UNC80: variants seen among roughly 807,000 people sequenced by gnomAD.
UNC80 encodes the protein unc-80 subunit of NALCN channel complex.
UNC80 carries 164 observed loss-of-function variants against 384.6 expected under a neutral mutation model. The observed-to-expected ratio is 0.43, with a 90% CI of 0.38 to 0.49. The LOEUF is 0.49. Ranked by LOEUF, UNC80 falls within the 20% of genes least tolerant of loss-of-function variation. The probability of loss-of-function intolerance (pLI) is 0.00; values close to 1 mark genes in which losing one functional copy is unlikely to be tolerated. For synonymous variants in UNC80, 1,486 were observed against 1,527.8 expected (o/e 0.97, Z 0.64); for missense variants, 3,330 against 4,143.0 (o/e 0.80, Z 5.39).
intron 28 of UNC80, among the ~76,000 whole-genome samples, chr2:209,900,194 G>A (rs1237423767): frequency 6.6e-6 from 1 of 151,994 alleles, no homozygotes; most frequent in Non-Finnish European, 1.5e-5. Flanking sequence ...TCATTTTATT[G>A]TACTTTACTC....
Position 209,984,926 on chromosome 2 carries a change from G to C in UNC80, c.9314+14G>C. The stretch of plus-strand genomic sequence containing the variant: ...CAGCCTCTCTAGGTACAGTGTCAAT[G>C]CTACCTGTCTATTGGTGTCTGTGCT... On this transcript the variant is annotated intron_variant, in intron 61 of 64. Coordinates refer to ENST00000673920, the MANE Select transcript of UNC80 (RefSeq NM_001371986.1). 6.5e-7 allele frequency: 1 copy of C among 1,548,834 alleles called. No homozygotes were observed. The highest frequency in any genetic ancestry group is 8.7e-7 in the Non-Finnish European group (1 of 1,145,736).
intron 35 of UNC80, among the ~76,000 whole-genome samples, chr2:209,924,232 T>C (rs1345842600): frequency 6.6e-6 from 1 of 152,200 alleles, no homozygotes. Context: ...GTGGAAACTC[T>C]GCAAATCAAA....
chr2:209,995,868 C>A lies in UNC80; in HGVS notation c.*273C>A, dbSNP rs1225280054. The A allele has an allele frequency of 5.4e-6, 2 of 371,726 alleles. No homozygotes were observed. Among genetic ancestry groups the A allele is most frequent in the Non-Finnish European group, 9.9e-6 (2 of 201,540 alleles). The allele number at this position is 371,726 out of a possible 1,614,324, so 23.0% of individuals were successfully genotyped here. ...ATTTCACTGCACATTGTTTATGATT[C>A]AAGAAGCCTTCAGCAGTTAAAAATA... On this transcript the variant is annotated 3_prime_UTR_variant, in exon 65 of 65. Transcript: ENST00000673920.
At chr2:209,901,570 A>G (rs2087406466) in intron 28 of UNC80, among the ~76,000 whole-genome samples, 1 of 152,226 alleles carries the variant, frequency 6.6e-6, no homozygotes, top group Non-Finnish European at 1.5e-5. Context: ...CTGCTAATGC[A>G]GCATCCATTC....
chr2:209,896,814 G>A (rs1452980223), intron 28 of UNC80, among the ~76,000 whole-genome samples: 1 of 152,038 alleles, frequency 6.6e-6, no homozygotes, highest in Admixed American at 6.6e-5. Context: ...TTTAAACTGG[G>A]GCAAGGACAC....
chr2:209,910,428 A>T (rs1188148565), intron 29 of UNC80, among the ~76,000 whole-genome samples: 1 of 151,866 alleles, frequency 6.6e-6, no homozygotes, highest in Non-Finnish European at 1.5e-5. Context: ...CTATCTTCTA[A>T]TCAAGTCATT....
chr2:209,899,898 T>C (rs1271823035), intron 28 of UNC80, among the ~76,000 whole-genome samples: 1 of 152,244 alleles, frequency 6.6e-6, no homozygotes, highest in Non-Finnish European at 1.5e-5. Flanking sequence ...CTCATTTCTC[T>C]ACAGGGACTA....
At chr2:209,978,379 T>C (rs2093064945) in intron 58 of UNC80, 150 bp from the exon 59 acceptor site, 1 of 608,432 alleles carries the variant, frequency 1.6e-6, no homozygotes. Context: ...AAATCCCCAC[T>C]TTCATTTGCA....
Position 209,776,181 on chromosome 2 carries a change from C to T in UNC80, c.298+136C>T, listed in dbSNP as rs111247992. 5.0e-3 allele frequency: 5,557 copies of T among 1,116,060 alleles called. 198 individuals are homozygous for T. In the African/African-American group the frequency reaches 0.077, roughly 15 times the overall value. 69.1% of individuals were successfully genotyped at this position (1,116,060 alleles called of 1,614,324 possible). A position where few individuals can be genotyped will look rare whatever the true frequency, so the allele number is the denominator to read the frequency against. On this transcript the variant is annotated intron_variant, in intron 3 of 64. Coordinates refer to ENST00000673920, the MANE Select transcript of UNC80 (RefSeq NM_001371986.1). Reference sequence around the variant, plus strand: ...TTATCTCATTTAATTATCACAAAATCCTCCTCACACTTATACTCATTATTT... The same window carrying T: ...TTATCTCATTTAATTATCACAAAATTCTCCTCACACTTATACTCATTATTT...
chr2:209,937,883 T>C (rs548220833), intron 42 of UNC80, among the ~76,000 whole-genome samples: 1 of 152,284 alleles, frequency 6.6e-6, no homozygotes, highest in Non-Finnish European at 1.5e-5. Flanking sequence ...AATAGAAATC[T>C]CCTAATTATT....
At chr2:209,936,737 C>T (rs187087767) in intron 40 of UNC80, 107 bp from the exon 41 acceptor site, 159 of 699,836 alleles carry the variant, frequency 2.3e-4, no homozygotes, top group Non-Finnish European at 3.0e-4. Context: ...AGATAATTCT[C>T]GTAAGAGGTT....
chr2:209,922,909 T>C (rs1016683913), intron 35 of UNC80, among the ~76,000 whole-genome samples: 18 of 152,214 alleles, frequency 1.2e-4, no homozygotes, highest in Admixed American at 5.9e-4. Context: ...ATGGAGCATC[T>C]TTTCATATGC....
At chr2:209,921,396 T>G in intron 33 of UNC80, 104 bp from the exon 34 acceptor site, 3 of 1,168,896 alleles carry the variant, frequency 2.6e-6, no homozygotes, top group Non-Finnish European at 3.5e-6. Context: ...TAACATTTCC[T>G]GAGGACAAAC....
intron 61 of UNC80, among the ~76,000 whole-genome samples, chr2:209,988,423 T>C (rs545432309): frequency 1.3e-5 from 2 of 152,334 alleles, no homozygotes; most frequent in South Asian, 4.1e-4. Context: ...TTTTGTAATT[T>C]TGAAATGAGC....
rs1390738825 is a variant in UNC80 at position 209,839,350 on chromosome 2, A to G, written c.3170A>G (p.His1057Arg). Reference sequence around the variant, plus strand: ...GACACTTCAGAATGCACGACTGCCCACTCAGGGACCACCTCTGACCGACGT... The same window carrying G: ...GACACTTCAGAATGCACGACTGCCCGCTCAGGGACCACCTCTGACCGACGT... ...EQDTSECTTA[H>R]SGTTSDRRAR... The change falls in exon 19 of 65, where the codon CAC (histidine) becomes CGC (arginine). Residue 1057 changes from histidine (H) to arginine (R), a missense_variant. By Grantham distance (29) the His-to-Arg change is conservative (BLOSUM62 0). This residue lies in a region of UNC80 where 801 missense variants were observed against 950.8 expected (regional missense o/e 0.84). Coordinates refer to ENST00000673920, the MANE Select transcript of UNC80 (RefSeq NM_001371986.1). The surrounding 1 kb of genome is among the most constrained non-coding windows in gnomAD (Gnocchi z 4.1). 2 of 1,551,816 alleles carry G rather than the reference A, an allele frequency of 1.3e-6. No individual in the cohort carries two copies. The highest frequency in any genetic ancestry group is 2.0e-5 in the Admixed American group (1 of 50,990).
intron 26 of UNC80, among the ~76,000 whole-genome samples, chr2:209,890,754 G>A (rs1010007759): frequency 6.6e-6 from 1 of 152,196 alleles, no homozygotes; most frequent in South Asian, 2.1e-4. Context: ...TGCAAGTGAA[G>A]TGTAAACTTA....
chr2:209,803,359 C>T (rs144710003), intron 7 of UNC80, among the ~76,000 whole-genome samples: 1 of 152,284 alleles, frequency 6.6e-6, no homozygotes, highest in East Asian at 1.9e-4. Context: ...CCAGCACCTC[C>T]ACAAGGGTTT....
chr2:209,901,535 A>G (rs2087401838), intron 28 of UNC80, among the ~76,000 whole-genome samples: 1 of 152,216 alleles, frequency 6.6e-6, no homozygotes, highest in Non-Finnish European at 1.5e-5. Flanking sequence ...GGAAGTGTGC[A>G]AGAAGATTAA....
intron 27 of UNC80, 37 bp downstream of exon 27, chr2:209,894,403 G>T (rs1265969991): frequency 1.0e-6 from 1 of 975,734 alleles, no homozygotes; most frequent in Non-Finnish European, 1.2e-6. Context: ...GGACGTGGGG[G>T]GTAGGAAGAC....
Sources: allele counts gnomAD v4.1 joint callset (sites outside exome capture counted in the v4.1 genomes callset), GRCh38; gene constraint gnomAD v4.1.1; regional missense constraint gnomAD v4.1.1; non-coding constraint Gnocchi (gnomAD v3.1); transcripts MANE v1.5; gene names NCBI Gene and HGNC (gene_info 2026-07-23, HGNC 2026-07-21).